PRKAG2: variants seen among roughly 807,000 people sequenced by gnomAD.
The protein encoded by PRKAG2 is 5'-AMP-activated protein kinase subunit gamma-2.
In PRKAG2, 26 loss-of-function variants were observed where a neutral mutation model predicts 69.6. The ratio of observed to expected loss-of-function variants is 0.37; its 90% CI spans 0.27 to 0.52. The LOEUF (loss-of-function observed/expected upper bound fraction) is 0.52, where lower values mean the gene tolerates loss of function less well. Ranked by LOEUF, PRKAG2 falls within the 20% of genes least tolerant of loss-of-function variation. The probability of loss-of-function intolerance (pLI) is 0.90; values close to 1 mark genes in which losing one functional copy is unlikely to be tolerated. For synonymous variants in PRKAG2, 293 were observed against 285.0 expected, an observed-to-expected ratio of 1.03 and a Z score of -0.28; for missense variants, 557 against 740.0, an observed-to-expected ratio of 0.75 and a Z score of 2.87.
At chr7:151,876,113 C>G (rs1006625289) in intron 1 of PRKAG2, among the ~76,000 whole-genome samples, 1 of 149,126 alleles carries the variant, frequency 6.7e-6, no homozygotes, top group Non-Finnish European at 1.5e-5. Context: ...CTCCAGCAGC[C>G]GAGCGCGGGC....
chr7:151,714,063 G>A (rs879859853), intron 3 of PRKAG2, among the ~76,000 whole-genome samples: 7 of 152,202 alleles, frequency 4.6e-5, no homozygotes, highest in South Asian at 2.1e-4. Flanking sequence ...CACTGGTAGC[G>A]GTTAGATAAC....
At position 151,781,288 on chromosome 7, in the gene PRKAG2, G is replaced by A; in HGVS notation, c.330C>T (p.Tyr110=). The A allele has an allele frequency of 1.2e-6, 2 of 1,614,102 alleles. No individual in the cohort carries two copies. The highest frequency in any genetic ancestry group is 2.2e-5 in the East Asian group (1 of 44,872). ...GAGGGGAGCGTGGCGGGGACTCCTG[G>A]TAGGAGAACGGGAACACGGTTTTGG... ...GSPKTVFPFS[Y]QESPPRSPRR... is the part of the protein sequence containing the mutation. Residue 110 remains tyrosine, a synonymous_variant, in exon 3 of 16, where the codon TAC becomes TAT. Transcript: ENST00000287878. The surrounding 1 kb of genome is among the most constrained non-coding windows in gnomAD (Gnocchi z 6.1).
intron 2 of PRKAG2, among the ~76,000 whole-genome samples, chr7:151,783,530 A>T (rs372067333): frequency 2.2e-4 from 33 of 151,910 alleles, no homozygotes; most frequent in African/African-American, 8.0e-4. Context: ...TTAATATGAA[A>T]AGCATTTAGA....
chr7:151,679,624 T>C lies in PRKAG2; in HGVS notation c.467-3987A>G, dbSNP rs956994357. ...ACCTGTGCCACCCCCCACATCCTCATGACCTGTGACAGCCCTGCAGAGAAA... is the reference window on the plus strand; with the variant it reads ...ACCTGTGCCACCCCCCACATCCTCACGACCTGTGACAGCCCTGCAGAGAAA... On this transcript the variant is annotated intron_variant, in intron 3 of 15. Transcript: ENST00000287878. 2.6e-5 allele frequency among the ~76,000 whole-genome samples: 4 copies of C among 152,262 alleles called. No individual in the cohort carries two copies. In the East Asian group the frequency reaches 7.7e-4, roughly 29 times the overall value.
At chr7:151,806,679 C>A in intron 1 of PRKAG2, 1 of 201,356 alleles carries the variant, frequency 5.0e-6, no homozygotes, top group Non-Finnish European at 1.0e-5. Flanking sequence ...TAAAATATGC[C>A]AGAGCTGGCT....
At chr7:151,724,479 C>A (rs959354896) in intron 3 of PRKAG2, among the ~76,000 whole-genome samples, 25 of 152,270 alleles carry the variant, frequency 1.6e-4, no homozygotes, top group African/African-American at 5.5e-4. Context: ...CTTCCCAAGG[C>A]AGGGAGGTTC....
chr7:151,612,108 G>A (rs919750066), intron 5 of PRKAG2, among the ~76,000 whole-genome samples: 2 of 152,178 alleles, frequency 1.3e-5, no homozygotes, highest in African/African-American at 4.8e-5. Flanking sequence ...AGCGACACCA[G>A]CATCACTAAA....
chr7:151,668,877 C>A (rs1321171390), intron 4 of PRKAG2, among the ~76,000 whole-genome samples: 1 of 152,204 alleles, frequency 6.6e-6, no homozygotes, highest in African/African-American at 2.4e-5. Flanking sequence ...TCCAATAAAT[C>A]AAAAGTGAAT....
chr7:151,755,803 C>T (rs1474859858), intron 3 of PRKAG2, among the ~76,000 whole-genome samples: 2 of 152,314 alleles, frequency 1.3e-5, no homozygotes, highest in Middle Eastern at 3.4e-3. Context: ...ATTTCCAAGG[C>T]AGCAAGGGGA....
chr7:151,813,578 C>T (rs906476985), intron 1 of PRKAG2, among the ~76,000 whole-genome samples: 3 of 152,080 alleles, frequency 2.0e-5, no homozygotes, highest in Admixed American at 6.5e-5. Context: ...GGGTGAGCTC[C>T]GAATCTAGTA....
intron 1 of PRKAG2, chr7:151,810,700 G>A (rs1258231977): frequency 6.5e-6 from 1 of 153,734 alleles, no homozygotes; most frequent in African/African-American, 2.4e-5. Flanking sequence ...TAGCTCACCG[G>A]TGACTAAGGA....
intron 3 of PRKAG2, among the ~76,000 whole-genome samples, chr7:151,730,835 T>C (rs1204011693): frequency 6.6e-6 from 1 of 152,186 alleles, no homozygotes; most frequent in African/African-American, 2.4e-5. Flanking sequence ...CCAGGAAGGA[T>C]GCTGGCGTTC....
Position 151,565,842 on chromosome 7 carries a change from T to C in PRKAG2, c.1277A>G (p.Asp426Gly). ...PKPAFMKQNL[D>G]ELGIGTYHNI... Reference sequence around the variant, plus strand: ...GTGGTACGTTCCTATTCCAAGCTCATCCAGGTTCTGCTTCATGAAGGCAGG... The same window carrying C: ...GTGGTACGTTCCTATTCCAAGCTCACCCAGGTTCTGCTTCATGAAGGCAGG... The change falls in exon 12 of 16, where the codon GAT (aspartate) becomes GGT (glycine). Residue 426 changes from aspartate (D) to glycine (G), a missense_variant. Asp to Gly is a moderately conservative substitution (Grantham distance 94, BLOSUM62 -1). This residue lies in a region of PRKAG2 where 205 missense variants were observed against 383.4 expected (regional missense o/e 0.53). Transcript: ENST00000287878. The C allele has an allele frequency of 1.9e-6, 3 of 1,613,612 alleles. No individual in the cohort carries two copies. The highest frequency in any genetic ancestry group is 2.5e-6 in the Non-Finnish European group (3 of 1,179,510).
chr7:151,684,052 C>A (rs1834298544), intron 3 of PRKAG2, among the ~76,000 whole-genome samples: 1 of 152,214 alleles, frequency 6.6e-6, no homozygotes. Flanking sequence ...CCCTACCCTC[C>A]AGGGCCGCTG....
At chr7:151,572,542 G>C in intron 9 of PRKAG2, 122 bp downstream of exon 9, 2 of 743,638 alleles carry the variant, frequency 2.7e-6, no homozygotes, top group Non-Finnish European at 4.7e-6. Context: ...GAAATAAAGA[G>C]AATGTTTTAT....
rs77860320 is a variant in PRKAG2, at chr7:151,563,179, C to T, written c.1584+899G>A. On this transcript the variant is annotated intron_variant, in intron 14 of 15. Transcript: ENST00000287878. Reference sequence around the variant, plus strand: ...GTCATATAAACAAATGGAATCATCACTGATACTGTACACCCTTCTCCTAGC... The same window carrying T: ...GTCATATAAACAAATGGAATCATCATTGATACTGTACACCCTTCTCCTAGC... 1.9e-3 allele frequency among the ~76,000 whole-genome samples: 289 copies of T among 152,286 alleles called. 1 individual carries two copies. Among genetic ancestry groups the T allele is most frequent in the African/African-American group, 3.8e-3 (156 of 41,552 alleles).
At chr7:151,714,377 T>C (rs946124279) in intron 3 of PRKAG2, among the ~76,000 whole-genome samples, 1 of 150,246 alleles carries the variant, frequency 6.7e-6, no homozygotes, top group African/African-American at 2.5e-5. Context: ...CGTCCTCCCA[T>C]CCGCGCCCCG....
intron 1 of PRKAG2, among the ~76,000 whole-genome samples, chr7:151,833,484 G>A (rs370091255): frequency 1.1e-4 from 16 of 152,298 alleles, no homozygotes; most frequent in South Asian, 4.1e-4. Context: ...GGGATGGTGC[G>A]GGTGAGAGAC....
chr7:151,695,184 G>A (rs748390466), intron 3 of PRKAG2, among the ~76,000 whole-genome samples: 10 of 152,210 alleles, frequency 6.6e-5, no homozygotes, highest in African/African-American at 2.2e-4. Context: ...CCTGCAGCCC[G>A]GCAGAGTCTG....
Sources: allele counts gnomAD v4.1 joint callset (sites outside exome capture counted in the v4.1 genomes callset), GRCh38; gene constraint gnomAD v4.1.1; regional missense constraint gnomAD v4.1.1; non-coding constraint Gnocchi (gnomAD v3.1); transcripts MANE v1.5; gene names NCBI Gene and HGNC (gene_info 2026-07-23, HGNC 2026-07-21).